Variants in LRRTM4 observed in about 807,000 individuals in gnomAD.
LRRTM4 encodes leucine-rich repeat transmembrane neuronal protein 4.
In LRRTM4, 25 loss-of-function variants were observed where a neutral mutation model predicts 47.6. That is an observed-to-expected ratio of 0.53 (90% CI 0.38 to 0.73). The LOEUF (loss-of-function observed/expected upper bound fraction) is 0.73, where lower values mean the gene tolerates loss of function less well. Among genes scored for constraint, LRRTM4 ranks in the 30% least tolerant of loss-of-function variants. The pLI, the probability that LRRTM4 is intolerant of heterozygous loss-of-function variation, is 0.00. For missense variants in LRRTM4, 638 were observed against 713.4 expected (o/e 0.89, Z 1.20); for synonymous variants, 311 against 269.5 (o/e 1.15, Z -1.51).
At chr2:77,501,840 C>A (rs1457569474) in intron 3 of LRRTM4, among the ~76,000 whole-genome samples, 2 of 151,036 alleles carry the variant, frequency 1.3e-5, no homozygotes, top group Non-Finnish European at 3.0e-5. Flanking sequence ...ATACAAATGT[C>A]AAACATAAGA....
intron 3 of LRRTM4, among the ~76,000 whole-genome samples, chr2:77,270,968 T>C (rs1490652257): frequency 6.6e-6 from 1 of 152,184 alleles, no homozygotes; most frequent in African/African-American, 2.4e-5. Context: ...CTGAGTCCTA[T>C]GAAGACCCCA....
chr2:77,210,539 A>G (rs534966440), intron 3 of LRRTM4, among the ~76,000 whole-genome samples: 2 of 152,290 alleles, frequency 1.3e-5, no homozygotes, highest in East Asian at 3.9e-4. Context: ...ATATTCATGA[A>G]TAATCTTTAT....
chr2:77,089,576 G>A (rs1378998363), intron 3 of LRRTM4, among the ~76,000 whole-genome samples: 7 of 149,514 alleles, frequency 4.7e-5, no homozygotes, highest in South Asian at 2.1e-4. Flanking sequence ...AAGAACCCCC[G>A]AACCCCTTCC....
At chr2:77,162,151 A>G (rs562657135) in intron 3 of LRRTM4, among the ~76,000 whole-genome samples, 6 of 152,212 alleles carry the variant, frequency 3.9e-5, no homozygotes, top group Non-Finnish European at 7.3e-5. Flanking sequence ...TGGTCTTAGC[A>G]AATGGCACCC....
intron 3 of LRRTM4, among the ~76,000 whole-genome samples, chr2:76,853,630 A>G (rs1672062144): frequency 6.6e-6 from 1 of 152,082 alleles, no homozygotes; most frequent in Non-Finnish European, 1.5e-5. Context: ...AAATCTGTGG[A>G]TAGAAAAAAA....
intron 3 of LRRTM4, among the ~76,000 whole-genome samples, chr2:76,890,097 C>G (rs1673204159): frequency 6.6e-6 from 1 of 151,740 alleles, no homozygotes; most frequent in South Asian, 2.1e-4. Flanking sequence ...AGCACACACA[C>G]TATCAAAAGC....
intron 3 of LRRTM4, among the ~76,000 whole-genome samples, chr2:77,480,906 AC>A (rs905700497): frequency 2.0e-5 from 3 of 149,750 alleles, no homozygotes; most frequent in Admixed American, 6.7e-5. Context: ...TTCAAGTTGG[AC>A]CCTACGTCCA....
At chr2:77,073,373 T>C (rs1680225438) in intron 3 of LRRTM4, among the ~76,000 whole-genome samples, 1 of 151,806 alleles carries the variant, frequency 6.6e-6, no homozygotes, top group African/African-American at 2.4e-5. Flanking sequence ...AAAATTTTGG[T>C]CTATATTTCA....
chr2:77,073,039 A>C (rs1314367277), intron 3 of LRRTM4, among the ~76,000 whole-genome samples: 1 of 152,160 alleles, frequency 6.6e-6, no homozygotes, highest in East Asian at 1.9e-4. Context: ...GAGATCTTTC[A>C]GCATGCAGAA....
chr2:77,113,610 G>T (rs1671309258), intron 3 of LRRTM4, among the ~76,000 whole-genome samples: 1 of 150,604 alleles, frequency 6.6e-6, no homozygotes, highest in Non-Finnish European at 1.5e-5. Context: ...AGGTTGAGGA[G>T]GTCGGACCGG....
rs151106620 is a variant in LRRTM4, at chr2:77,463,425, T to C, written c.1551+54893A>G. Among the ~76,000 whole-genome samples, 324 of 152,210 alleles carry C rather than the reference T, an allele frequency of 2.1e-3. 2 individuals carry two copies. The highest frequency in any genetic ancestry group is 7.4e-3 in the African/African-American group (307 of 41,552). On this transcript the variant is annotated intron_variant, in intron 3 of 3. Coordinates refer to ENST00000409884, the MANE Select transcript of LRRTM4 (RefSeq NM_001134745.3). The stretch of plus-strand genomic sequence containing the variant: ...TCAAATATTATATATTAACATATTC[T>C]TTTTACCCAGTAAATCAAAATTTTC...
intron 3 of LRRTM4, among the ~76,000 whole-genome samples, chr2:77,212,470 TATATAGAG>T (rs1226905942): frequency 6.8e-6 from 1 of 146,268 alleles, no homozygotes; most frequent in Non-Finnish European, 1.5e-5. Flanking sequence ...TATATATATA[TATATAGAG>T]AGAGAGAGAG....
chr2:77,474,959 A>G (rs1677329146), intron 3 of LRRTM4, among the ~76,000 whole-genome samples: 1 of 152,128 alleles, frequency 6.6e-6, no homozygotes, highest in Non-Finnish European at 1.5e-5. Context: ...TTGCTCATCT[A>G]GAAGATATCC....
chr2:77,152,199 A>G (rs1255640664), intron 3 of LRRTM4, among the ~76,000 whole-genome samples: 1 of 152,168 alleles, frequency 6.6e-6, no homozygotes, highest in Non-Finnish European at 1.5e-5. Flanking sequence ...TCTCATGGAC[A>G]TTGTGTGGGG....
At chr2:77,315,261 T>C (rs891312809) in intron 3 of LRRTM4, among the ~76,000 whole-genome samples, 38 of 152,176 alleles carry the variant, frequency 2.5e-4, no homozygotes, top group African/African-American at 8.9e-4. Flanking sequence ...TAAAGCTTGC[T>C]TAAAAATCAT....
chr2:76,881,917 AG>A (rs1402998667), intron 3 of LRRTM4, among the ~76,000 whole-genome samples: 1 of 152,166 alleles, frequency 6.6e-6, no homozygotes, highest in Non-Finnish European at 1.5e-5. Context: ...TTTTTGTGTC[AG>A]AAATACGCTG....
At chr2:76,999,488 A>G (rs1160052355) in intron 3 of LRRTM4, among the ~76,000 whole-genome samples, 1 of 151,916 alleles carries the variant, frequency 6.6e-6, no homozygotes, top group African/African-American at 2.4e-5. Context: ...GCAAATGATC[A>G]TGTGAGGCAG....
chr2:77,270,370 G>T (rs903519776), intron 3 of LRRTM4, among the ~76,000 whole-genome samples: 1 of 152,092 alleles, frequency 6.6e-6, no homozygotes, highest in African/African-American at 2.4e-5. Flanking sequence ...TTTATATTGG[G>T]ATCTCTCTAT....
At chr2:76,965,470 T>A (rs1260573087) in intron 3 of LRRTM4, among the ~76,000 whole-genome samples, 1 of 151,356 alleles carries the variant, frequency 6.6e-6, no homozygotes, top group African/African-American at 2.4e-5. Context: ...TTAATTGATA[T>A]CTTTGATGAG....
Sources: allele counts gnomAD v4.1 joint callset (sites outside exome capture counted in the v4.1 genomes callset), GRCh38; gene constraint gnomAD v4.1.1; transcripts MANE v1.5; gene names NCBI Gene and HGNC (gene_info 2026-07-23, HGNC 2026-07-21).